Variants in SMIM14 observed in about 807,000 individuals in gnomAD.
SMIM14 encodes the protein chromosome 4 open reading frame 34.
A neutral mutation model predicts 12.6 loss-of-function variants in SMIM14; 5 were observed. That is an observed-to-expected ratio of 0.40 (90% CI 0.21 to 0.83). The LOEUF (loss-of-function observed/expected upper bound fraction) is 0.83, where lower values mean the gene tolerates loss of function less well. Ranked by LOEUF, SMIM14 falls within the 40% of genes least tolerant of loss-of-function variation. The pLI, the probability that SMIM14 is intolerant of heterozygous loss-of-function variation, is 0.37. For synonymous variants in SMIM14, 30 were observed against 40.1 expected (o/e 0.75, Z 0.95); for missense variants, 86 against 119.1 (o/e 0.72, Z 1.29).
At chr4:39,553,937 T>G (rs16995383) in intron 4 of SMIM14, among the ~76,000 whole-genome samples, 4,501 of 152,284 alleles carry the variant, frequency 0.03, 124 homozygotes, top group African/African-American at 0.07. Flanking sequence ...CGTATCTTTT[T>G]TGTGTATGTT....
chr4:39,632,453 C>T (rs1044079733), intron 1 of SMIM14, among the ~76,000 whole-genome samples: 1 of 137,562 alleles, frequency 7.3e-6, no homozygotes, highest in African/African-American at 2.7e-5. Context: ...GCACTCCAGC[C>T]TACTGACAGA....
chr4:39,634,772 C>G (rs754888295), intron 1 of SMIM14, among the ~76,000 whole-genome samples: 1 of 151,966 alleles, frequency 6.6e-6, no homozygotes, highest in Non-Finnish European at 1.5e-5. Flanking sequence ...GTACTCTGAC[C>G]CAAACACCAA....
intron 2 of SMIM14, among the ~76,000 whole-genome samples, chr4:39,591,428 G>A (rs550694245): frequency 6.6e-5 from 10 of 152,050 alleles, no homozygotes; most frequent in South Asian, 2.1e-4. Flanking sequence ...GCTGTAACTC[G>A]GTGATGTAAT....
chr4:39,560,063 A>G (rs888736828), intron 3 of SMIM14, among the ~76,000 whole-genome samples: 5 of 152,008 alleles, frequency 3.3e-5, no homozygotes, highest in African/African-American at 7.2e-5. Flanking sequence ...TGGAGGTTGC[A>G]GTGAGCTGTA....
chr4:39,585,472 T>G (rs1713740236), intron 2 of SMIM14, among the ~76,000 whole-genome samples: 2 of 151,976 alleles, frequency 1.3e-5, no homozygotes, highest in African/African-American at 2.4e-5. Flanking sequence ...AATTTTTGTA[T>G]TTTTAGTAGA....
chr4:39,634,074 G>A (rs751977704), intron 1 of SMIM14, among the ~76,000 whole-genome samples: 6 of 152,082 alleles, frequency 3.9e-5, no homozygotes, highest in African/African-American at 1.2e-4. Flanking sequence ...GATTACAGGC[G>A]CGCATGACCA....
intron 2 of SMIM14, among the ~76,000 whole-genome samples, chr4:39,587,293 G>A (rs1378552837): frequency 4.0e-5 from 6 of 151,156 alleles, no homozygotes; most frequent in African/African-American, 1.2e-4. Flanking sequence ...TCAGGAGATC[G>A]AGACCATCCT....
At chr4:39,594,832 T>C (rs928302406) in intron 2 of SMIM14, 1 of 151,742 alleles carries the variant, frequency 6.6e-6, no homozygotes, top group Non-Finnish European at 1.5e-5. Flanking sequence ...ATCAGAGAAA[T>C]GCAAATCAAA....
chr4:39,616,996 A>T (rs1156981317), intron 1 of SMIM14, among the ~76,000 whole-genome samples: 1 of 151,460 alleles, frequency 6.6e-6, no homozygotes, highest in Non-Finnish European at 1.5e-5. Flanking sequence ...TGTACATTAA[A>T]CTCATTATAC....
chr4:39,583,953 G>C (rs1713647485), intron 2 of SMIM14: 2 of 152,004 alleles, frequency 1.3e-5, no homozygotes, highest in South Asian at 4.1e-4. Flanking sequence ...TCTCCTCAGG[G>C]AAGAATTGCT....
rs1491465219 is a variant in SMIM14 at position 39,576,685 on chromosome 4, T to TATATATATATATATATA, written c.76-4223_76-4222insTATATATATATATATAT. On this transcript the variant is annotated intron_variant, in intron 2 of 4. Coordinates refer to ENST00000295958, the MANE Select transcript of SMIM14 (RefSeq NM_174921.3). ...GTATATATATATATATATATATATA[T>TATATATATATATATATA]TTTTTTTTTTTTTTTTTTTTTTTTT... 5.4e-3 allele frequency among the ~76,000 whole-genome samples: 25 copies of TATATATATATATATATA among 4,634 alleles called. 1 individual carries two copies. Among genetic ancestry groups the TATATATATATATATATA allele is most frequent in the South Asian group, 0.013 (1 of 78 alleles). 3.0% of individuals were successfully genotyped at this position (4,634 alleles called of 152,430 possible). A position where few individuals can be genotyped will look rare whatever the true frequency, so the allele number is the denominator to read the frequency against.
chr4:39,564,327 A>G (rs1444796267), intron 3 of SMIM14, among the ~76,000 whole-genome samples: 1 of 152,182 alleles, frequency 6.6e-6, no homozygotes, highest in Admixed American at 6.6e-5. Flanking sequence ...GGTGATCTCT[A>G]TCATTCCCTA....
chr4:39,584,078 G>A (rs28404028), intron 2 of SMIM14: 31,504 of 151,788 alleles, frequency 0.21, 3,852 homozygotes, highest in East Asian at 0.39. Flanking sequence ...CTTCCTGGAT[G>A]ATCACATCTC....
At chr4:39,610,448 G>A (rs1714983314) in intron 1 of SMIM14, among the ~76,000 whole-genome samples, 1 of 147,834 alleles carries the variant, frequency 6.8e-6, no homozygotes, top group South Asian at 2.3e-4. Flanking sequence ...CAGGGTGATT[G>A]TCTTTTTTTT....
At position 39,549,635 on chromosome 4, in the gene SMIM14, G is replaced by A. The variant is rs899154746; in HGVS notation, c.*2491C>T. ...TTCAGTGACTACATCAATATCTCTTGCCAGGGATTGGCCTAACAGCTCAGA... is the reference window on the plus strand; with the variant it reads ...TTCAGTGACTACATCAATATCTCTTACCAGGGATTGGCCTAACAGCTCAGA... On this transcript the variant is annotated 3_prime_UTR_variant, in exon 5 of 5. Coordinates refer to ENST00000295958, the MANE Select transcript of SMIM14 (RefSeq NM_174921.3). 3 of 152,162 alleles carry A rather than the reference G, an allele frequency of 2.0e-5. No homozygotes were observed. The highest frequency in any genetic ancestry group is 7.2e-5 in the African/African-American group (3 of 41,452). 9.4% of individuals were successfully genotyped at this position (152,162 alleles called of 1,614,324 possible).
intron 2 of SMIM14, among the ~76,000 whole-genome samples, chr4:39,586,925 C>G (rs946642981): frequency 2.0e-5 from 3 of 151,930 alleles, no homozygotes; most frequent in Non-Finnish European, 4.4e-5. Flanking sequence ...AGATAGAGGT[C>G]TTCTTCCTCC....
At chr4:39,601,942 T>A in intron 2 of SMIM14, among the ~76,000 whole-genome samples, 1 of 123,658 alleles carries the variant, frequency 8.1e-6, no homozygotes. Context: ...AATAAGACCC[T>A]ATCTTAAAAA....
intron 4 of SMIM14, 22 bp from the exon 5 acceptor site, chr4:39,552,180 T>TCTTGATTCTCAAGA: frequency 6.4e-7 from 1 of 1,560,296 alleles, no homozygotes; most frequent in Non-Finnish European, 8.6e-7. Flanking sequence ...AAGAAATAAA[T>TCTTGATTCTCAAGA]TATTTAATTG....
rs866399757 is a variant in SMIM14 at position 39,624,816 on chromosome 4, G to A, written c.-36+13923C>T. On this transcript the variant is annotated intron_variant, in intron 1 of 4. Transcript: ENST00000295958. ...GGACAACAGAGCAAGACACCATCTCGAAAAAAAAAAAAAAAAAACTTCCTA... is the reference window on the plus strand; with the variant it reads ...GGACAACAGAGCAAGACACCATCTCAAAAAAAAAAAAAAAAAAACTTCCTA... Among the ~76,000 whole-genome samples, 481 of 110,228 alleles carry A rather than the reference G, an allele frequency of 4.4e-3. 5 individuals are homozygous for A. Among genetic ancestry groups the A allele is most frequent in the African/African-American group, 0.014 (379 of 27,672 alleles). The allele number at this position is 110,228 out of a possible 152,430, so 72.3% of individuals were successfully genotyped here. A position where few individuals can be genotyped will look rare whatever the true frequency, so the allele number is the denominator to read the frequency against.
Sources: allele counts gnomAD v4.1 joint callset (sites outside exome capture counted in the v4.1 genomes callset), GRCh38; gene constraint gnomAD v4.1.1; transcripts MANE v1.5; gene names NCBI Gene and HGNC (gene_info 2026-07-23, HGNC 2026-07-21).